DNER: variants seen among roughly 807,000 people sequenced by gnomAD.
DNER encodes the protein delta and Notch-like epidermal growth factor-related receptor.
DNER carries 33 observed loss-of-function variants against 78.2 expected under a neutral mutation model. That is an observed-to-expected ratio of 0.42 (90% confidence interval 0.32 to 0.56). The LOEUF is 0.56. DNER is among the 20% of genes least tolerant of loss of function. The probability of loss-of-function intolerance (pLI) is 0.11; values close to 1 mark genes in which losing one functional copy is unlikely to be tolerated. For synonymous variants in DNER, 417 were observed against 384.8 expected (o/e 1.08, Z -0.98); for missense variants, 918 against 975.3 (o/e 0.94, Z 0.78).
chr2:229,497,753 A>G (rs377733565), intron 6 of DNER, among the ~76,000 whole-genome samples: 1 of 152,150 alleles, frequency 6.6e-6, no homozygotes, highest in Admixed American at 6.6e-5. Context: ...ATCTATCAAG[A>G]CTGAATCATG....
At chr2:229,493,860 A>G (rs1159935581) in intron 6 of DNER, among the ~76,000 whole-genome samples, 1 of 152,200 alleles carries the variant, frequency 6.6e-6, no homozygotes, top group Non-Finnish European at 1.5e-5. Context: ...CTTCCCAAGG[A>G]GCCCAGCTAG....
intron 1 of DNER, among the ~76,000 whole-genome samples, chr2:229,639,108 A>G (rs1698572642): frequency 6.6e-6 from 1 of 152,230 alleles, no homozygotes; most frequent in Non-Finnish European, 1.5e-5. Context: ...ATACCAACAC[A>G]CATCTCTATG....
intron 1 of DNER, among the ~76,000 whole-genome samples, chr2:229,653,984 T>C (rs549532999): frequency 1.3e-5 from 2 of 152,340 alleles, no homozygotes; most frequent in Admixed American, 6.5e-5. Flanking sequence ...ATTATTATTA[T>C]ACTTTAAGTT....
chr2:229,393,776 G>T (rs1312115455), intron 10 of DNER, among the ~76,000 whole-genome samples: 1 of 151,914 alleles, frequency 6.6e-6, no homozygotes, highest in African/African-American at 2.4e-5. Flanking sequence ...GAACCTGGGA[G>T]TTGGAGCTTG....
At chr2:229,514,099 T>G (rs1225545453) in intron 5 of DNER, among the ~76,000 whole-genome samples, 1 of 152,186 alleles carries the variant, frequency 6.6e-6, no homozygotes, top group Non-Finnish European at 1.5e-5. Context: ...TGCACATTTC[T>G]TGATAAATTT....
chr2:229,365,461 G>C (rs1181684663), intron 12 of DNER, among the ~76,000 whole-genome samples: 2 of 152,208 alleles, frequency 1.3e-5, no homozygotes, highest in Non-Finnish European at 2.9e-5. Context: ...TTTTGAGACA[G>C]AGTCTCTATC....
At chr2:229,505,440 T>C (rs149766323) in intron 6 of DNER, among the ~76,000 whole-genome samples, 361 of 152,066 alleles carry the variant, frequency 2.4e-3, no homozygotes, top group Non-Finnish European at 3.8e-3. Context: ...TGCTAAAGCA[T>C]AAAAAAGAGT....
At chr2:229,501,550 T>G (rs1396325931) in intron 6 of DNER, among the ~76,000 whole-genome samples, 1 of 152,170 alleles carries the variant, frequency 6.6e-6, no homozygotes, top group African/African-American at 2.4e-5. Context: ...CCAAGAAACA[T>G]TCTCCTCTCA....
intron 1 of DNER, among the ~76,000 whole-genome samples, chr2:229,652,264 T>G (rs1262734942): frequency 6.6e-6 from 1 of 152,202 alleles, no homozygotes; most frequent in African/African-American, 2.4e-5. Context: ...CCACGCAGAC[T>G]CCTCAACTCT....
At chr2:229,512,041 A>G (rs766661057) in intron 6 of DNER, among the ~76,000 whole-genome samples, 14 of 152,208 alleles carry the variant, frequency 9.2e-5, no homozygotes, top group Non-Finnish European at 1.3e-4. Context: ...CGAGTGGATA[A>G]AGAAACTGTG....
At chr2:229,526,698 T>C (rs1696216847) in intron 5 of DNER, among the ~76,000 whole-genome samples, 1 of 152,216 alleles carries the variant, frequency 6.6e-6, no homozygotes, top group Non-Finnish European at 1.5e-5. Flanking sequence ...CAGGCAGTAG[T>C]GCTCGCTCGC....
At chr2:229,684,376 T>G (rs1699449345) in intron 1 of DNER, among the ~76,000 whole-genome samples, 1 of 151,940 alleles carries the variant, frequency 6.6e-6, no homozygotes, top group Admixed American at 6.6e-5. Context: ...CCCATCCCCC[T>G]CTTCATCGGC....
chr2:229,373,409 C>A (rs968363185), intron 11 of DNER, among the ~76,000 whole-genome samples: 1 of 152,126 alleles, frequency 6.6e-6, no homozygotes, highest in Admixed American at 6.6e-5. Flanking sequence ...CACGTCCCAC[C>A]AGTCAGAATG....
chr2:229,409,672 C>T (rs1376749035), intron 9 of DNER, among the ~76,000 whole-genome samples: 3 of 151,944 alleles, frequency 2.0e-5, no homozygotes, highest in Non-Finnish European at 4.4e-5. Context: ...TACTTTTTTC[C>T]CTTGTTAATT....
In DNER at chr2:229,583,258, T is replaced by C. The variant is rs371358346; in HGVS notation, c.847+2600A>G. Among the ~76,000 whole-genome samples, 33 of 152,334 alleles carry C rather than the reference T, an allele frequency of 2.2e-4. No homozygotes were observed. The East Asian group carries it at 4.1e-3, about 19-fold the overall frequency. Reference sequence around the variant, plus strand: ...TAAACCTAGTGTAAACTGAAAATACTGTAAGTCAAAAATGCATGTAATGCA... The same window carrying C: ...TAAACCTAGTGTAAACTGAAAATACCGTAAGTCAAAAATGCATGTAATGCA... On this transcript the variant is annotated intron_variant, in intron 4 of 12. Coordinates refer to ENST00000341772, the MANE Select transcript of DNER (RefSeq NM_139072.4).
At chr2:229,410,030 C>T (rs749321488) in intron 9 of DNER, among the ~76,000 whole-genome samples, 6 of 152,074 alleles carry the variant, frequency 3.9e-5, no homozygotes, top group Admixed American at 6.6e-5. Context: ...CCTCTTCCTG[C>T]CCTCCTCACC....
chr2:229,361,058 T>C (rs1692198186), intron 12 of DNER, among the ~76,000 whole-genome samples: 2 of 152,144 alleles, frequency 1.3e-5, no homozygotes, highest in African/African-American at 2.4e-5. Flanking sequence ...ATCTACCATA[T>C]GGAAGCTAAA....
intron 1 of DNER, among the ~76,000 whole-genome samples, chr2:229,626,735 G>A (rs148697938): frequency 6.6e-6 from 1 of 152,304 alleles, no homozygotes; most frequent in African/African-American, 2.4e-5. Context: ...CTAAAGTCTG[G>A]ACTTGTTTAA....
chr2:229,657,622 A>T (rs748620281), intron 1 of DNER, among the ~76,000 whole-genome samples: 1 of 152,216 alleles, frequency 6.6e-6, no homozygotes, highest in Non-Finnish European at 1.5e-5. Flanking sequence ...CATGCATTCA[A>T]ATGTTTGCTT....
Sources: gnomAD v4.1 joint callset for allele counts (sites outside exome capture counted in the v4.1 genomes callset) on GRCh38, gnomAD v4.1.1 for gene constraint, MANE v1.5 for transcripts, NCBI Gene and HGNC (gene_info 2026-07-23, HGNC 2026-07-21) for gene names.